The following MSI2 variants were observed in gnomAD, a reference collection of about 807,000 sequenced individuals.
MSI2 encodes RNA-binding protein Musashi homolog 2.
In MSI2, 17 loss-of-function variants were observed where a neutral mutation model predicts 45.6. The ratio of observed to expected loss-of-function variants is 0.37; its 90% CI spans 0.26 to 0.56. The LOEUF (loss-of-function observed/expected upper bound fraction) is 0.56, where lower values mean the gene tolerates loss of function less well. Ranked by LOEUF, MSI2 falls within the 20% of genes least tolerant of loss-of-function variation. MSI2 has a pLI of 0.77. For synonymous variants in MSI2, 156 were observed against 158.2 expected, an observed-to-expected ratio of 0.99 and a Z score of 0.11; for missense variants, 293 against 444.2, an observed-to-expected ratio of 0.66 and a Z score of 3.06.
intron 9 of MSI2, among the ~76,000 whole-genome samples, chr17:57,621,915 G>A (rs1294808663): frequency 6.6e-6 from 1 of 152,226 alleles, no homozygotes; most frequent in African/African-American, 2.4e-5. Flanking sequence ...CTTAGGAAAG[G>A]TCTTTTGCAG....
chr17:57,455,781 C>T (rs112393656), intron 6 of MSI2, among the ~76,000 whole-genome samples: 2,535 of 152,232 alleles, frequency 0.017, 81 homozygotes, highest in African/African-American at 0.058. Context: ...GAGTGCCCAG[C>T]GGAACCTGCT....
At chr17:57,359,352 G>C (rs1048526605) in intron 5 of MSI2, among the ~76,000 whole-genome samples, 4 of 152,156 alleles carry the variant, frequency 2.6e-5, no homozygotes, top group African/African-American at 9.7e-5. Context: ...AAGGGAGATA[G>C]AATAGGGTGA....
At chr17:57,693,388 G>T in the MSI2 span, among the ~76,000 whole-genome samples, 21,818 of 148,664 alleles carry the variant, frequency 0.15, 1,712 homozygotes, top group Admixed American at 0.25. Flanking sequence ...CACCATGTTG[G>T]CCAGGCTGGT....
chr17:57,479,491 C>A (rs1378824528), intron 6 of MSI2, among the ~76,000 whole-genome samples: 1 of 151,978 alleles, frequency 6.6e-6, no homozygotes, highest in Non-Finnish European at 1.5e-5. Context: ...GTAAAACATC[C>A]CAGATACTCC....
intron 5 of MSI2, among the ~76,000 whole-genome samples, chr17:57,283,198 C>T (rs1389169851): frequency 1.3e-5 from 2 of 152,134 alleles, no homozygotes; most frequent in East Asian, 3.9e-4. Context: ...TTCAAACTCA[C>T]CGGGACTTCT....
chr17:57,302,670 A>G (rs1911511646), intron 5 of MSI2, among the ~76,000 whole-genome samples: 1 of 152,156 alleles, frequency 6.6e-6, no homozygotes, highest in Non-Finnish European at 1.5e-5. Context: ...GAATTTTGGG[A>G]GTGTCTATTA....
intron 6 of MSI2, among the ~76,000 whole-genome samples, chr17:57,436,467 A>G (rs983195345): frequency 6.6e-6 from 1 of 152,258 alleles, no homozygotes; most frequent in African/African-American, 2.4e-5. Context: ...TGGGTTCTCC[A>G]AAAAGTATGG....
At chr17:57,300,732 C>T (rs888442853) in intron 5 of MSI2, among the ~76,000 whole-genome samples, 3 of 152,182 alleles carry the variant, frequency 2.0e-5, no homozygotes, top group African/African-American at 7.2e-5. Context: ...TGGAAGGCGA[C>T]AGTCATGTCT....
intron 6 of MSI2, among the ~76,000 whole-genome samples, chr17:57,469,473 G>A (rs560011755): frequency 4.5e-4 from 69 of 152,302 alleles, no homozygotes; most frequent in African/African-American, 1.5e-3. Flanking sequence ...TGAGGGTGCC[G>A]AGTCAATGGT....
intron 6 of MSI2, among the ~76,000 whole-genome samples, chr17:57,420,212 A>T (rs2084369738): frequency 6.6e-6 from 1 of 152,080 alleles, no homozygotes; most frequent in Non-Finnish European, 1.5e-5. Flanking sequence ...CTCACAGGCC[A>T]CCCTCCAGCA....
chr17:57,626,488 C>T (rs1908819218), intron 9 of MSI2: 1 of 152,234 alleles, frequency 6.6e-6, no homozygotes, highest in Non-Finnish European at 1.5e-5. Context: ...GTGGCCAGCC[C>T]AGTGGCAGTT....
chr17:57,453,262 A>G (rs941062418), intron 6 of MSI2, among the ~76,000 whole-genome samples: 9 of 152,046 alleles, frequency 5.9e-5, no homozygotes, highest in African/African-American at 2.2e-4. Context: ...CAGCCTCCCA[A>G]AGTGCTAGGA....
intron 5 of MSI2, among the ~76,000 whole-genome samples, chr17:57,371,598 C>A (rs1045056745): frequency 2.7e-5 from 4 of 150,292 alleles, no homozygotes; most frequent in African/African-American, 7.3e-5. Context: ...GCCTTTATAA[C>A]TTTATCATAT....
At chr17:57,377,127 T>A (rs997197873) in intron 5 of MSI2, among the ~76,000 whole-genome samples, 55 of 152,230 alleles carry the variant, frequency 3.6e-4, no homozygotes, top group East Asian at 2.9e-3. Flanking sequence ...TCACTGTGTT[T>A]ACCAGGATGG....
intron 10 of MSI2, chr17:57,632,377 G>A: frequency 7.5e-6 from 8 of 1,066,274 alleles, no homozygotes; most frequent in Non-Finnish European, 9.1e-6. Flanking sequence ...AACACTATCT[G>A]ACTATCTTTG....
chr17:57,687,452 AG>A (rs1913908473), downstream of MSI2, among the ~76,000 whole-genome samples: 1 of 152,186 alleles, frequency 6.6e-6, no homozygotes, highest in African/African-American at 2.4e-5. Context: ...AGAATATGAA[AG>A]GAGTTAACAG....
At chr17:57,313,067 G>A (rs1319359115) in intron 5 of MSI2, among the ~76,000 whole-genome samples, 1 of 152,106 alleles carries the variant, frequency 6.6e-6, no homozygotes, top group African/African-American at 2.4e-5. Context: ...GGATGGTCTT[G>A]ATCTCTGGAC....
chr17:57,568,928 G>A (rs564727225), intron 7 of MSI2, among the ~76,000 whole-genome samples: 2 of 152,338 alleles, frequency 1.3e-5, no homozygotes, highest in South Asian at 4.1e-4. Flanking sequence ...TGGTACCGGG[G>A]AGAAGGAGGG....
chr17:57,646,396 G>C (rs745603201), intron 10 of MSI2, among the ~76,000 whole-genome samples: 3 of 152,218 alleles, frequency 2.0e-5, no homozygotes, highest in Non-Finnish European at 4.4e-5. Context: ...CTCATCCACT[G>C]TCAGCAGGTT....
Sources: gnomAD v4.1 joint callset for allele counts (sites outside exome capture counted in the v4.1 genomes callset) on GRCh38, gnomAD v4.1.1 for gene constraint, MANE v1.5 for transcripts, NCBI Gene and HGNC (gene_info 2026-07-23, HGNC 2026-07-21) for gene names.